BANP: variants seen among roughly 807,000 people sequenced by gnomAD.
BANP encodes the protein protein BANP.
In BANP, 11 loss-of-function variants were observed where a neutral mutation model predicts 68.1. The observed-to-expected ratio is 0.16, with a 90% CI of 0.10 to 0.27. The LOEUF (loss-of-function observed/expected upper bound fraction) is 0.27, where lower values mean the gene tolerates loss of function less well. BANP is among the 10% of genes least tolerant of loss of function. BANP has a pLI of 1.00. For missense variants in BANP, 504 were observed against 722.7 expected (o/e 0.70, Z 3.47); for synonymous variants, 329 against 303.2 (o/e 1.09, Z -0.88).
At chr16:88,055,522 G>A (rs11861221) in intron 11 of BANP, among the ~76,000 whole-genome samples, 1 of 152,212 alleles carries the variant, frequency 6.6e-6, no homozygotes, top group South Asian at 2.1e-4. Flanking sequence ...GTTTCAGAAG[G>A]CTTCAGAATC....
At chr16:88,023,428 C>T in intron 7 of BANP, among the ~76,000 whole-genome samples, 1 of 151,330 alleles carries the variant, frequency 6.6e-6, no homozygotes, top group East Asian at 1.9e-4. Context: ...ATGCTTCCCC[C>T]GGGAGGGAGC....
At chr16:88,066,333 C>T (rs904182694) in intron 12 of BANP, among the ~76,000 whole-genome samples, 5 of 152,110 alleles carry the variant, frequency 3.3e-5, no homozygotes, top group East Asian at 1.9e-4. Flanking sequence ...TACCAGCAGG[C>T]GGTAATTTTA....
chr16:88,066,069 G>A (rs1364339250), intron 12 of BANP, among the ~76,000 whole-genome samples: 1 of 152,216 alleles, frequency 6.6e-6, no homozygotes, highest in East Asian at 1.9e-4. Flanking sequence ...CACTACTGCG[G>A]CAGGTGCAGG....
intron 6 of BANP, among the ~76,000 whole-genome samples, chr16:88,017,670 T>G (rs2074906517): frequency 6.6e-6 from 1 of 151,972 alleles, no homozygotes; most frequent in Non-Finnish European, 1.5e-5. Flanking sequence ...GGCAGGCAGG[T>G]GGGAAGTCCC....
intron 4 of BANP, among the ~76,000 whole-genome samples, chr16:87,989,145 T>G (rs1163605938): frequency 2.6e-5 from 4 of 152,170 alleles, no homozygotes; most frequent in Non-Finnish European, 4.4e-5. Flanking sequence ...GAAGCTAAAG[T>G]TGAATCATTG....
At chr16:88,007,965 G>C (rs1027135516) in intron 6 of BANP, among the ~76,000 whole-genome samples, 2 of 151,858 alleles carry the variant, frequency 1.3e-5, no homozygotes, top group Non-Finnish European at 2.9e-5. Context: ...TCATCACTTC[G>C]GACTAATTCT....
At chr16:88,016,707 A>C (rs1299086278) in intron 6 of BANP, among the ~76,000 whole-genome samples, 1 of 152,302 alleles carries the variant, frequency 6.6e-6, no homozygotes, top group South Asian at 2.1e-4. Context: ...ATTAGCCTTG[A>C]GGTCACGTGT....
At chr16:87,999,194 G>C (rs895517541) in intron 4 of BANP, among the ~76,000 whole-genome samples, 1 of 135,444 alleles carries the variant, frequency 7.4e-6, no homozygotes, top group Non-Finnish European at 1.6e-5. Context: ...GCACGTGCGC[G>C]GCTGTACTTA....
chr16:88,038,257 A>G (rs1037444885), intron 11 of BANP, among the ~76,000 whole-genome samples: 6 of 152,162 alleles, frequency 3.9e-5, no homozygotes, highest in Admixed American at 1.3e-4. Context: ...CCCCTCTCAC[A>G]TACAGGCCAT....
intron 8 of BANP, among the ~76,000 whole-genome samples, chr16:88,029,178 A>C (rs2077583290): frequency 6.6e-6 from 1 of 151,706 alleles, no homozygotes; most frequent in Non-Finnish European, 1.5e-5. Context: ...GTGGTGGCGC[A>C]TGCCTCTAAT....
intron 11 of BANP, among the ~76,000 whole-genome samples, chr16:88,039,645 A>G (rs945480033): frequency 3.5e-5 from 5 of 142,248 alleles, no homozygotes; most frequent in African/African-American, 1.2e-4. Flanking sequence ...TTGTAGACAG[A>G]ATTCTCCCAA....
intron 1 of BANP, among the ~76,000 whole-genome samples, chr16:87,954,851 C>G (rs2057730530): frequency 6.6e-6 from 1 of 152,246 alleles, no homozygotes; most frequent in African/African-American, 2.4e-5. Context: ...CCAGTCACTC[C>G]CCTTGAGCAG....
In BANP at chr16:88,057,742, A is replaced by G. The variant is rs1388750267; in HGVS notation, c.1312-7525A>G. On this transcript the variant is annotated intron_variant, in intron 11 of 13. Coordinates refer to ENST00000682872, the MANE Select transcript of BANP (RefSeq NM_001386991.1). This position sits in a 1 kb window ranked among gnomAD's most constrained non-coding sequence, Gnocchi z 4.6. ...GACAAGTAAGAGAGATGGCGGGGCC[A>G]TCTGGGTGGGGCGGGGGGGGGGGTG... Among the ~76,000 whole-genome samples the G allele has an allele frequency of 4.7e-5, 2 of 42,624 alleles. No individual in the cohort carries two copies. Among genetic ancestry groups the G allele is most frequent in the Non-Finnish European group, 4.3e-5 (1 of 23,096 alleles). 28.0% of individuals were successfully genotyped at this position (42,624 alleles called of 152,430 possible).
At chr16:87,966,312 G>C (rs1172031134) in intron 1 of BANP, among the ~76,000 whole-genome samples, 1 of 152,128 alleles carries the variant, frequency 6.6e-6, no homozygotes, top group South Asian at 2.1e-4. Context: ...GACTTGGTAG[G>C]GTTCTGAATA....
At chr16:88,046,869 G>C (rs190481499) in intron 11 of BANP, among the ~76,000 whole-genome samples, 1 of 151,978 alleles carries the variant, frequency 6.6e-6, no homozygotes, top group African/African-American at 2.4e-5. Context: ...GATCGAGACC[G>C]TCCTGGCTAA....
chr16:88,001,938 A>C (rs1019500509), intron 4 of BANP, among the ~76,000 whole-genome samples: 12 of 152,296 alleles, frequency 7.9e-5, no homozygotes, highest in East Asian at 3.9e-4. Flanking sequence ...AAACAAAAAA[A>C]AAAAAACCTT....
At chr16:87,973,231 C>T (rs1252210420) in intron 1 of BANP, among the ~76,000 whole-genome samples, 1 of 150,882 alleles carries the variant, frequency 6.6e-6, no homozygotes, top group African/African-American at 2.4e-5. Flanking sequence ...GGCTTTGTGT[C>T]TCCCCCTCCA....
intron 7 of BANP, among the ~76,000 whole-genome samples, chr16:88,021,051 T>C (rs912824912): frequency 2.7e-4 from 41 of 152,210 alleles, no homozygotes; most frequent in Non-Finnish European, 5.1e-4. Context: ...TCTGCTGAGC[T>C]TCTCCTTGCT....
At chr16:88,011,407 G>A (rs2073086937) in intron 6 of BANP, among the ~76,000 whole-genome samples, 1 of 152,202 alleles carries the variant, frequency 6.6e-6, no homozygotes, top group South Asian at 2.1e-4. Context: ...GCCGACTGGT[G>A]TTGGACTCAG....
Sources: gnomAD v4.1 joint callset for allele counts (sites outside exome capture counted in the v4.1 genomes callset) on GRCh38, gnomAD v4.1.1 for gene constraint, Gnocchi (gnomAD v3.1) non-coding constraint, MANE v1.5 for transcripts, NCBI Gene and HGNC (gene_info 2026-07-23, HGNC 2026-07-21) for gene names.